Variants in TBX15 observed in about 807,000 individuals in gnomAD.
The protein encoded by TBX15 is T-box transcription factor 15.
In TBX15, 18 loss-of-function variants were observed where a neutral mutation model predicts 53.9. The observed-to-expected ratio is 0.33, with a 90% confidence interval of 0.23 to 0.49. The LOEUF is 0.49. TBX15 is among the 20% of genes least tolerant of loss of function. TBX15 has a pLI of 0.98. For synonymous variants in TBX15, 295 were observed against 278.0 expected, an observed-to-expected ratio of 1.06 and a Z score of -0.61; for missense variants, 692 against 749.5, an observed-to-expected ratio of 0.92 and a Z score of 0.90.
In TBX15 at chr1:118,883,494, C is replaced by T. The variant is rs538368681; in HGVS notation, c.*1238G>A. On this transcript the variant is annotated 3_prime_UTR_variant, in exon 8 of 8. Coordinates refer to ENST00000369429, the MANE Select transcript of TBX15 (RefSeq NM_001330677.2). ...TTCCCTGGGACATGAGGGGATATTT[C>T]CTGCCACAGGGATAGCGGGCAGGCA... 1 of 152,322 alleles carries T rather than the reference C, an allele frequency of 6.6e-6. No individual in the cohort carries two copies. The highest frequency in any genetic ancestry group is 2.1e-4 in the South Asian group (1 of 4,824). 9.4% of individuals were successfully genotyped at this position (152,322 alleles called of 1,614,324 possible).
At chr1:118,985,391 G>T (rs887797256) in intron 1 of TBX15, among the ~76,000 whole-genome samples, 7 of 152,212 alleles carry the variant, frequency 4.6e-5, no homozygotes, top group Non-Finnish European at 8.8e-5. Flanking sequence ...CCCAGCCCTG[G>T]TCGCGCCTTT....
chr1:118,890,165 G>A (rs1042673725), intron 7 of TBX15, among the ~76,000 whole-genome samples: 14 of 152,172 alleles, frequency 9.2e-5, no homozygotes, highest in African/African-American at 2.9e-4. Flanking sequence ...CCAGGTAGCA[G>A]CTAAGGCCCT....
At chr1:118,959,115 C>T (rs10802068) in intron 1 of TBX15, among the ~76,000 whole-genome samples, 48,537 of 151,056 alleles carry the variant, frequency 0.32, 8,909 homozygotes, top group East Asian at 0.57. Context: ...AGGGTAGAAA[C>T]TAAGAACAAA....
intron 6 of TBX15, 61 bp downstream of exon 6, chr1:118,914,054 C>T: frequency 6.4e-7 from 1 of 1,557,734 alleles, no homozygotes; most frequent in Non-Finnish European, 8.8e-7. Flanking sequence ...CAACCATCAG[C>T]AGGATGTGAG....
chr1:118,892,606 T>A (rs1344160877), intron 7 of TBX15, among the ~76,000 whole-genome samples: 1 of 152,194 alleles, frequency 6.6e-6, no homozygotes, highest in Non-Finnish European at 1.5e-5. Flanking sequence ...CTTGTGGGAA[T>A]AACATTAGGA....
chr1:118,884,774 T>C lies in TBX15; in HGVS notation c.1767A>G (p.Ala589=). 1 of 1,614,142 alleles carries C rather than the reference T, an allele frequency of 6.2e-7. No individual in the cohort carries two copies. The highest frequency in any genetic ancestry group is 1.1e-5 in the South Asian group (1 of 91,072). ...TNTCDGRQYG[A]VPGSSSQMSV... ...ACATCTGGGAGGAGGAGCCTGGAAC[T>C]GCCCCATACTGCCGGCCATCACAAG... Residue 589 remains alanine (A), a synonymous_variant, in exon 8 of 8, where the codon GCA becomes GCG. Coordinates refer to ENST00000369429, the MANE Select transcript of TBX15 (RefSeq NM_001330677.2).
intron 1 of TBX15, among the ~76,000 whole-genome samples, chr1:118,952,014 T>C (rs767197973): frequency 3.9e-5 from 6 of 152,190 alleles, no homozygotes; most frequent in African/African-American, 1.4e-4. Flanking sequence ...GGTCCACTTA[T>C]ATGTAGATCT....
intron 7 of TBX15, among the ~76,000 whole-genome samples, chr1:118,897,470 C>T (rs1166687596): frequency 6.6e-6 from 1 of 152,178 alleles, no homozygotes; most frequent in East Asian, 1.9e-4. Context: ...TCCTGCTTAG[C>T]TAGAGCTTGG....
At chr1:118,982,873 C>T (rs1657693452) in intron 1 of TBX15, among the ~76,000 whole-genome samples, 1 of 152,188 alleles carries the variant, frequency 6.6e-6, no homozygotes, top group African/African-American at 2.4e-5. Context: ...CTATACAAAT[C>T]AAGATACCCA....
intron 5 of TBX15, among the ~76,000 whole-genome samples, chr1:118,919,615 C>G (rs1218652045): frequency 6.6e-6 from 1 of 152,174 alleles, no homozygotes; most frequent in Non-Finnish European, 1.5e-5. Context: ...TATAAAGAAA[C>G]CAGTGGTAGA....
At chr1:118,931,075 T>C (rs1655765735) in intron 2 of TBX15, among the ~76,000 whole-genome samples, 2 of 152,210 alleles carry the variant, frequency 1.3e-5, no homozygotes, top group Admixed American at 1.3e-4. Flanking sequence ...GTTTTTAAAA[T>C]TTTGTAATCC....
At chr1:118,898,964 C>T in intron 7 of TBX15, 64 bp downstream of exon 7, 7 of 1,518,052 alleles carry the variant, frequency 4.6e-6, no homozygotes, top group East Asian at 2.3e-5. Flanking sequence ...GTGCTATATT[C>T]GGTTGAGCTC....
chr1:118,899,898 T>C (rs912016904), intron 6 of TBX15, among the ~76,000 whole-genome samples: 2 of 152,198 alleles, frequency 1.3e-5, no homozygotes, highest in Non-Finnish European at 1.5e-5. Flanking sequence ...TCATTTGTAT[T>C]GGAAATTCCA....
chr1:118,897,706 T>C (rs1654477730), intron 7 of TBX15, among the ~76,000 whole-genome samples: 1 of 152,058 alleles, frequency 6.6e-6, no homozygotes, highest in African/African-American at 2.4e-5. Context: ...TTTTCCTGAG[T>C]CTCTTTAAGC....
chr1:118,939,407 CAAAAAAAAAAAAAAAAA>C (rs869094141), intron 1 of TBX15, among the ~76,000 whole-genome samples: 1 of 8,876 alleles, frequency 1.1e-4, no homozygotes, highest in African/African-American at 4.3e-4. Context: ...GATCTAGTCT[CAAAAAAAAAAAAAAAAA>C]AAAAAAAAAA....
intron 2 of TBX15, among the ~76,000 whole-genome samples, chr1:118,927,221 T>C (rs998535007): frequency 6.6e-6 from 1 of 152,218 alleles, no homozygotes; most frequent in African/African-American, 2.4e-5. Flanking sequence ...TCAACCCTGC[T>C]TTGTATTTTT....
chr1:118,912,413 C>T (rs1655054471), intron 6 of TBX15, among the ~76,000 whole-genome samples: 1 of 151,748 alleles, frequency 6.6e-6, no homozygotes, highest in South Asian at 2.1e-4. Context: ...TATCTGGAAC[C>T]CCTGAAAAAT....
At chr1:118,919,120 C>G (rs759445242) in intron 5 of TBX15, among the ~76,000 whole-genome samples, 7 of 152,100 alleles carry the variant, frequency 4.6e-5, no homozygotes, top group Non-Finnish European at 1.0e-4. Flanking sequence ...TTCATGTAGC[C>G]AATTCTCATC....
At position 118,988,033 on chromosome 1, in the gene TBX15, G is replaced by A. The variant is rs924230156; in HGVS notation, c.-238C>T. The A allele has an allele frequency of 1.0e-5, 6 of 589,190 alleles. No individual in the cohort carries two copies. The highest frequency in any genetic ancestry group is 6.2e-5 in the Admixed American group (2 of 32,360). The allele number at this position is 589,190 out of a possible 1,614,324, so 36.5% of individuals were successfully genotyped here. A position where few individuals can be genotyped will look rare whatever the true frequency, so the allele number is the denominator to read the frequency against. Reference sequence around the variant, plus strand: ...GCTGCTAGGAACTAGCGCCCCGAGCGCCGCCCGCTCGCTGCATGAGCGCCC... The same window carrying A: ...GCTGCTAGGAACTAGCGCCCCGAGCACCGCCCGCTCGCTGCATGAGCGCCC... On this transcript the variant is annotated 5_prime_UTR_variant, in exon 1 of 8. Coordinates refer to ENST00000369429, the MANE Select transcript of TBX15 (RefSeq NM_001330677.2).
Sources: gnomAD v4.1 joint callset for allele counts (sites outside exome capture counted in the v4.1 genomes callset) on GRCh38, gnomAD v4.1.1 for gene constraint, MANE v1.5 for transcripts, NCBI Gene and HGNC (gene_info 2026-07-23, HGNC 2026-07-21) for gene names.